VPS37A: variants seen among roughly 807,000 people sequenced by gnomAD.
The protein encoded by VPS37A is vacuolar protein sorting-associated protein 37A.
A neutral mutation model predicts 49.8 loss-of-function variants in VPS37A; 30 were observed. The ratio of observed to expected loss-of-function variants is 0.60; its 90% CI spans 0.45 to 0.82. VPS37A has a LOEUF of 0.82. Ranked by LOEUF, VPS37A falls within the 40% of genes least tolerant of loss-of-function variation. The probability of loss-of-function intolerance (pLI) is 0.00; values close to 1 mark genes in which losing one functional copy is unlikely to be tolerated. For synonymous variants in VPS37A, 195 were observed against 160.6 expected (o/e 1.21, Z -1.62); for missense variants, 593 against 464.4 (o/e 1.28, Z -2.55).
intron 4 of VPS37A, among the ~76,000 whole-genome samples, chr8:17,271,823 G>C (rs2150384282): frequency 6.6e-6 from 1 of 152,250 alleles, no homozygotes; most frequent in South Asian, 2.1e-4. Flanking sequence ...TGTTAACAAA[G>C]GATCTTCTAG....
the VPS37A span, among the ~76,000 whole-genome samples, chr8:17,317,912 T>G: frequency 1.3e-5 from 2 of 152,254 alleles, no homozygotes; most frequent in African/African-American, 4.8e-5. Flanking sequence ...TATTTTTGCC[T>G]TTTTTTCCAC....
intron 1 of VPS37A, among the ~76,000 whole-genome samples, chr8:17,262,521 G>A (rs6587026): frequency 0.4 from 60,895 of 151,634 alleles, 13,506 homozygotes; most frequent in East Asian, 0.71. Flanking sequence ...TTATTAATTT[G>A]CAGGTCATTT....
chr8:17,317,718 C>T, the VPS37A span, among the ~76,000 whole-genome samples: 2 of 152,122 alleles, frequency 1.3e-5, no homozygotes, highest in East Asian at 1.9e-4. Context: ...CCTGATGGCT[C>T]GAATTCCAGA....
At chr8:17,304,447 A>T (rs1010790434), downstream of VPS37A, 44 of 1,613,996 alleles carry the variant, frequency 2.7e-5, no homozygotes, top group Non-Finnish European at 3.4e-5. Flanking sequence ...GATCAGCTCT[A>T]AACAGAGGAT....
chr8:17,247,704 T>C, intron 1 of VPS37A: 4 of 702,724 alleles, frequency 5.7e-6, no homozygotes, highest in Non-Finnish European at 5.2e-6. Flanking sequence ...GATCTTTCCC[T>C]TTGCCCACCT....
At position 17,247,125 on chromosome 8, in the gene VPS37A, C is replaced by T. The variant is rs1585882437; in HGVS notation, c.-120C>T. The stretch of plus-strand genomic sequence containing the variant: ...ACAGGCTTAGAGAAGACGCGGTCCC[C>T]AGCGCTTGGGCCACGGACGTCCCAC... On this transcript the variant is annotated 5_prime_UTR_variant, in exon 1 of 12. Transcript: ENST00000324849. The T allele has an allele frequency of 2.9e-6, 4 of 1,378,412 alleles. No homozygotes were observed. Among genetic ancestry groups the T allele is most frequent in the Middle Eastern group, 4.9e-4 (2 of 4,120 alleles). The allele number at this position is 1,378,412 out of a possible 1,614,324, so 85.4% of individuals were successfully genotyped here. A position where few individuals can be genotyped will look rare whatever the true frequency, so the allele number is the denominator to read the frequency against.
At chr8:17,274,609 C>A in intron 4 of VPS37A, 124 bp from the exon 5 acceptor site, 4 of 592,656 alleles carry the variant, frequency 6.7e-6, no homozygotes, top group Non-Finnish European at 5.6e-6. Flanking sequence ...TAATAAATAT[C>A]ACCTGCCATT....
the VPS37A span, among the ~76,000 whole-genome samples, chr8:17,319,776 G>T: frequency 1.3e-5 from 2 of 152,164 alleles, no homozygotes; most frequent in African/African-American, 4.8e-5. Context: ...TCTGGCTCCA[G>T]TCTGGCTCTT....
chr8:17,332,991 T>C, the VPS37A span, among the ~76,000 whole-genome samples: 3 of 152,142 alleles, frequency 2.0e-5, no homozygotes, highest in African/African-American at 7.2e-5. Flanking sequence ...AGAGCATATA[T>C]GAAGTTTGTA....
downstream of VPS37A, chr8:17,305,728 T>C: frequency 1.3e-6 from 2 of 1,561,552 alleles, no homozygotes; most frequent in Non-Finnish European, 1.7e-6. Context: ...TAAATAAAAG[T>C]TAAACACCAA....
At chr8:17,254,631 T>A (rs2150350796) in intron 1 of VPS37A, among the ~76,000 whole-genome samples, 1 of 152,186 alleles carries the variant, frequency 6.6e-6, no homozygotes, top group East Asian at 1.9e-4. Context: ...TTCTTTTTCT[T>A]CTTTTTTTTT....
chr8:17,287,512 A>C (rs1586063428), intron 11 of VPS37A, among the ~76,000 whole-genome samples: 2 of 152,090 alleles, frequency 1.3e-5, no homozygotes, highest in South Asian at 4.2e-4. Flanking sequence ...GTCTCTACTA[A>C]AAATACAAAA....
At chr8:17,304,486 G>C, downstream of VPS37A, 1 of 1,613,982 alleles carries the variant, frequency 6.2e-7, no homozygotes, top group South Asian at 1.1e-5. Context: ...TCTTCCACAG[G>C]TGAGCCCATA....
the VPS37A span, among the ~76,000 whole-genome samples, chr8:17,330,499 T>G: frequency 6.6e-6 from 1 of 152,256 alleles, no homozygotes; most frequent in Non-Finnish European, 1.5e-5. Context: ...TAAGCTGGTT[T>G]TGCTTGAAAT....
chr8:17,313,008 T>C, the VPS37A span, among the ~76,000 whole-genome samples: 2 of 152,252 alleles, frequency 1.3e-5, no homozygotes, highest in African/African-American at 4.8e-5. Context: ...TTTGGTTGTA[T>C]TCTACAGAAA....
In VPS37A at chr8:17,247,075, C is replaced by T; in HGVS notation, c.-170C>T. The T allele has an allele frequency of 1.2e-6, 1 of 861,588 alleles. No individual in the cohort carries two copies. The highest frequency in any genetic ancestry group is 1.7e-6 in the Non-Finnish European group (1 of 571,544). The allele number at this position is 861,588 out of a possible 1,614,324, so 53.4% of individuals were successfully genotyped here. On this transcript the variant is annotated 5_prime_UTR_variant, in exon 1 of 12. Coordinates refer to ENST00000324849, the MANE Select transcript of VPS37A (RefSeq NM_152415.3). ...CCGCCCGCCGTTCGTAGCATGTCCC[C>T]CAGAACTCGGGGAGCGCAGGCAGGA...
chr8:17,256,796 G>A (rs923081253), intron 1 of VPS37A, among the ~76,000 whole-genome samples: 10 of 152,008 alleles, frequency 6.6e-5, no homozygotes, highest in African/African-American at 2.2e-4. Flanking sequence ...GGGATTACAG[G>A]CACTCACCAC....
rs1320798373 is a variant in VPS37A at position 17,297,824 on chromosome 8, A to G, written c.*2838A>G. 2 of 150,206 alleles carry G rather than the reference A, an allele frequency of 1.3e-5. No individual in the cohort carries two copies. The highest frequency in any genetic ancestry group is 1.3e-4 in the Admixed American group (2 of 14,850). The allele number at this position is 150,206 out of a possible 1,614,324, so 9.3% of individuals were successfully genotyped here. A position where few individuals can be genotyped will look rare whatever the true frequency, so the allele number is the denominator to read the frequency against. ...ATAAGCAATAAATGTAACCTTTTAT[A>G]TAAATCTCAGTGCTAGGTTAACTTC... is the stretch of plus-strand genomic sequence containing the variant. On this transcript the variant is annotated 3_prime_UTR_variant, in exon 12 of 12. Coordinates refer to ENST00000324849, the MANE Select transcript of VPS37A (RefSeq NM_152415.3).
intron 10 of VPS37A, among the ~76,000 whole-genome samples, chr8:17,285,304 C>G (rs1815487911): frequency 6.6e-6 from 1 of 152,024 alleles, no homozygotes; most frequent in South Asian, 2.1e-4. Flanking sequence ...AAATCTAGTC[C>G]TAATAGTTGA....
Sources: gnomAD v4.1 joint callset for allele counts (sites outside exome capture counted in the v4.1 genomes callset) on GRCh38, gnomAD v4.1.1 for gene constraint, MANE v1.5 for transcripts, NCBI Gene and HGNC (gene_info 2026-07-23, HGNC 2026-07-21) for gene names.